The following ATAD2B variants were observed in gnomAD, a reference collection of about 807,000 sequenced individuals.
The protein encoded by ATAD2B is ATPase family AAA domain containing 2B, also known as ATPase family AAA domain-containing protein 2B.
In ATAD2B, 40 loss-of-function variants were observed where a neutral mutation model predicts 167.6. That is an observed-to-expected ratio of 0.24 (90% CI 0.19 to 0.31). ATAD2B has a LOEUF of 0.31. ATAD2B is among the 10% of genes least tolerant of loss of function. The pLI, the probability that ATAD2B is intolerant of heterozygous loss-of-function variation, is 1.00. For synonymous variants in ATAD2B, 579 were observed against 596.5 expected (o/e 0.97, Z 0.43); for missense variants, 1,242 against 1,757.2 (o/e 0.71, Z 5.24).
chr2:23,923,371 G>T (rs1308100407), intron 1 of ATAD2B, among the ~76,000 whole-genome samples: 1 of 152,082 alleles, frequency 6.6e-6, no homozygotes, highest in Non-Finnish European at 1.5e-5. Flanking sequence ...GGACAATCAA[G>T]TTTCACTTAT....
chr2:23,892,195 G>C (rs926350037), intron 2 of ATAD2B, among the ~76,000 whole-genome samples: 1 of 151,994 alleles, frequency 6.6e-6, no homozygotes, highest in African/African-American at 2.4e-5. Context: ...ACGGAGTCTC[G>C]CTCTGTGGCC....
chr2:23,722,007 G>C, the ATAD2B span, among the ~76,000 whole-genome samples: 1 of 152,228 alleles, frequency 6.6e-6, no homozygotes, highest in South Asian at 2.1e-4. Flanking sequence ...TGCAGCTGAA[G>C]AAACTATATG....
the ATAD2B span, among the ~76,000 whole-genome samples, chr2:23,738,426 A>G: frequency 9.2e-5 from 14 of 152,358 alleles, no homozygotes; most frequent in East Asian, 3.9e-4. Flanking sequence ...TTTTCAACCC[A>G]GAATTTCATA....
At chr2:23,831,945 A>G (rs1689129473) in intron 14 of ATAD2B, among the ~76,000 whole-genome samples, 1 of 152,158 alleles carries the variant, frequency 6.6e-6, no homozygotes, top group African/African-American at 2.4e-5. Flanking sequence ...TTTTTAAAAC[A>G]TATCTATATT....
intron 10 of ATAD2B, 88 bp from the exon 11 acceptor site, chr2:23,865,012 G>T: frequency 2.9e-6 from 2 of 692,158 alleles, no homozygotes; most frequent in Non-Finnish European, 4.6e-6. Context: ...TTACGATTCA[G>T]AAATACATGC....
the ATAD2B span, among the ~76,000 whole-genome samples, chr2:23,702,066 G>A: frequency 6.6e-6 from 1 of 151,206 alleles, no homozygotes; most frequent in African/African-American, 2.4e-5. Flanking sequence ...CAGATGATCC[G>A]CCCACCTCGG....
intron 15 of ATAD2B, among the ~76,000 whole-genome samples, chr2:23,824,112 A>G (rs1449997707): frequency 1.3e-5 from 2 of 152,018 alleles, no homozygotes; most frequent in East Asian, 1.9e-4. Context: ...CCACACTCGT[A>G]TAATTTTTTT....
intron 22 of ATAD2B, among the ~76,000 whole-genome samples, chr2:23,780,861 G>T (rs915270485): frequency 6.6e-6 from 1 of 151,862 alleles, no homozygotes; most frequent in Admixed American, 6.6e-5. Flanking sequence ...CCACTATCGC[G>T]CCACTGCACT....
the ATAD2B span, among the ~76,000 whole-genome samples, chr2:23,737,980 G>A: frequency 1.8e-4 from 27 of 152,242 alleles, no homozygotes; most frequent in African/African-American, 4.3e-4. Flanking sequence ...GAAATGAAGC[G>A]AGAAGAGAAG....
the ATAD2B span, among the ~76,000 whole-genome samples, chr2:23,722,924 CAG>C: frequency 6.6e-6 from 1 of 152,136 alleles, no homozygotes; most frequent in Admixed American, 6.6e-5. Context: ...ACTCATCTGA[CAG>C]GGGATTAATA....
rs556000875 is a variant in ATAD2B at position 23,823,400 on chromosome 2, A to G, written c.1989T>C (p.Ala663=). The change falls in exon 16 of 28, where the codon GCT becomes GCC. Residue 663 remains alanine, a synonymous_variant. Transcript: ENST00000238789. ...FYHAMQNIVP[A]SQRAVMSSGH... ...CTGAAGACATCACAGCACGTTGGGA[A>G]GCAGGCACGATATTCTGCATTGCAT... The G allele has an allele frequency of 2.2e-5, 35 of 1,614,000 alleles. No homozygotes were observed. The East Asian group carries it at 7.4e-4, about 34-fold the overall frequency.
chr2:23,779,826 T>C (rs1679730304), intron 22 of ATAD2B, among the ~76,000 whole-genome samples: 1 of 152,214 alleles, frequency 6.6e-6, no homozygotes, highest in Non-Finnish European at 1.5e-5. Flanking sequence ...AAAACTAAGA[T>C]GCATGTATAT....
intron 5 of ATAD2B, 26 bp from the exon 6 acceptor site, chr2:23,884,899 T>C (rs74736707): frequency 8.5e-5 from 120 of 1,411,712 alleles, no homozygotes; most frequent in Non-Finnish European, 1.1e-4. Context: ...ATCTGTCAAA[T>C]AGCAACATGA....
chr2:23,890,734 A>G (rs1699356108), intron 2 of ATAD2B, among the ~76,000 whole-genome samples: 1 of 152,240 alleles, frequency 6.6e-6, no homozygotes, highest in South Asian at 2.1e-4. Context: ...CAGACCCTAA[A>G]GTCATTCCAC....
intron 17 of ATAD2B, among the ~76,000 whole-genome samples, chr2:23,813,985 G>A (rs1043641141): frequency 1.3e-5 from 2 of 152,102 alleles, no homozygotes; most frequent in African/African-American, 2.4e-5. Flanking sequence ...GGGCACGGTC[G>A]AACATGCCTG....
At chr2:23,816,704 C>T (rs917236613) in intron 17 of ATAD2B, among the ~76,000 whole-genome samples, 4 of 152,066 alleles carry the variant, frequency 2.6e-5, no homozygotes, top group African/African-American at 9.7e-5. Flanking sequence ...GAATTTTCTA[C>T]AGTGTATATC....
chr2:23,757,688 C>T lies in ATAD2B; in HGVS notation c.3808G>A (p.Gly1270Ser). 6.2e-7 allele frequency: 1 copy of T among 1,612,730 alleles called. No homozygotes were observed. Among genetic ancestry groups the T allele is most frequent in the Non-Finnish European group, 8.5e-7 (1 of 1,179,488 alleles). ...TCAAAACTGTCAGTGGAAGCCTCAC[C>T]ATTTAGACAATTTCCTTTAAGGAAA... ...ETFLKGNCLN[G>S]EASTDSFEGI... The change falls in exon 25 of 28, where the codon GGT becomes AGT. Residue 1270 changes from glycine (G) to serine (S), a missense_variant. This residue lies in a region of ATAD2B where 282 missense variants were observed against 346.8 expected (regional missense o/e 0.81). Coordinates refer to ENST00000238789, the MANE Select transcript of ATAD2B (RefSeq NM_017552.4).
In ATAD2B at chr2:23,750,772, G is replaced by A; in HGVS notation, c.*1274C>T. ...GACTGTGTCTCCAAATTTGTAGAAA[G>A]TTTTTGTAAAACTAGTAACCCATAA... is the stretch of plus-strand genomic sequence containing the variant. On this transcript the variant is annotated 3_prime_UTR_variant, in exon 28 of 28. Transcript: ENST00000238789. 6.6e-6 allele frequency: 1 copy of A among 152,136 alleles called. No individual in the cohort carries two copies. Among genetic ancestry groups the A allele is most frequent in the East Asian group, 1.9e-4 (1 of 5,202 alleles). 9.4% of individuals were successfully genotyped at this position (152,136 alleles called of 1,614,324 possible). A position where few individuals can be genotyped will look rare whatever the true frequency, so the allele number is the denominator to read the frequency against.
intron 6 of ATAD2B, among the ~76,000 whole-genome samples, chr2:23,882,797 G>A (rs1444147965): frequency 2.7e-5 from 4 of 150,378 alleles, no homozygotes; most frequent in Non-Finnish European, 5.9e-5. Flanking sequence ...GCAACAGAGC[G>A]AGACTCCATC....
Sources: allele counts gnomAD v4.1 joint callset (sites outside exome capture counted in the v4.1 genomes callset), GRCh38; gene constraint gnomAD v4.1.1; regional missense constraint gnomAD v4.1.1; transcripts MANE v1.5; gene names NCBI Gene and HGNC (gene_info 2026-07-23, HGNC 2026-07-21).